Variants in NUP62CL observed in about 807,000 individuals in gnomAD.
NUP62CL encodes the protein nucleoporin-62 C-terminal-like protein.
Under a neutral mutation model 15.3 loss-of-function variants are expected in NUP62CL, and 13 were observed. That is an observed-to-expected ratio of 0.85 (90% CI 0.55 to 1.35). The LOEUF is 1.35. NUP62CL is among the 40% of genes most tolerant of loss of function. NUP62CL has a pLI of 0.00. For synonymous variants in NUP62CL, 54 were observed against 49.2 expected (o/e 1.10, Z -0.41); for missense variants, 123 against 130.6 (o/e 0.94, Z 0.28).
chrX:107,156,535 G>T (rs1160601496), intron 4 of NUP62CL, among the ~76,000 whole-genome samples: 130 of 101,449 alleles, frequency 1.3e-3, no homozygotes, highest in African/African-American at 4.5e-3. Flanking sequence ...CACCTCACAC[G>T]GCAGGGTATT....
chrX:107,134,071 T>G (rs977946373), intron 8 of NUP62CL, among the ~76,000 whole-genome samples: 3 of 112,561 alleles, frequency 2.7e-5, no homozygotes, highest in African/African-American at 9.7e-5. Flanking sequence ...TCTACTACAA[T>G]AAGTATTTTA....
chrX:107,174,160 T>TG (rs1490367269), intron 3 of NUP62CL, among the ~76,000 whole-genome samples: 3 of 96,590 alleles, frequency 3.1e-5, no homozygotes, highest in Non-Finnish European at 6.2e-5. Context: ...TCCTTTTTTT[T>TG]TTTTTTGGTT....
At chrX:107,146,958 T>C (rs1569356139) in intron 8 of NUP62CL, among the ~76,000 whole-genome samples, 1 of 111,458 alleles carries the variant, frequency 9.0e-6, no homozygotes, top group South Asian at 3.8e-4. Flanking sequence ...GGTGTGCTCA[T>C]TGCCACTGGG....
chrX:107,126,829 T>C (rs960768301), intron 8 of NUP62CL, among the ~76,000 whole-genome samples: 1 of 110,877 alleles, frequency 9.0e-6, no homozygotes, highest in East Asian at 2.8e-4. Flanking sequence ...AGGTCAGGAG[T>C]TCGAGACCAG....
At chrX:107,196,210 T>G (rs1927357927) in intron 1 of NUP62CL, among the ~76,000 whole-genome samples, 1 of 112,232 alleles carries the variant, frequency 8.9e-6, no homozygotes, top group South Asian at 3.7e-4. Context: ...AAAATCACTT[T>G]TTGGACTAAA....
intron 4 of NUP62CL, among the ~76,000 whole-genome samples, chrX:107,157,461 G>A (rs1372770769): frequency 9.4e-6 from 1 of 106,112 alleles, no homozygotes; most frequent in African/African-American, 3.4e-5. Context: ...AGAAGAGAGT[G>A]GGGGCCAATA....
chrX:107,191,477 A>C (rs1254139506), intron 2 of NUP62CL, among the ~76,000 whole-genome samples: 1 of 110,382 alleles, frequency 9.1e-6, no homozygotes, highest in Non-Finnish European at 1.9e-5. Context: ...TGGGAGGCCG[A>C]GGCAGGTGGA....
chrX:107,181,729 T>G (rs1043275464), intron 2 of NUP62CL, among the ~76,000 whole-genome samples: 1 of 111,796 alleles, frequency 8.9e-6, no homozygotes, highest in Non-Finnish European at 1.9e-5. Context: ...TCTTATAGGG[T>G]CTGAGCATTC....
intron 2 of NUP62CL, among the ~76,000 whole-genome samples, chrX:107,192,540 C>T (rs948156448): frequency 1.8e-5 from 2 of 110,862 alleles, no homozygotes; most frequent in Non-Finnish European, 3.8e-5. Context: ...CTACCACGCC[C>T]GGCTAATTTT....
chrX:107,147,138 GCTTTA>G (rs1404724237), intron 8 of NUP62CL, among the ~76,000 whole-genome samples: 2 of 111,439 alleles, frequency 1.8e-5, no homozygotes, highest in South Asian at 3.7e-4. Flanking sequence ...TCACTAATAT[GCTTTA>G]CTTTATTTCT....
At chrX:107,173,393 TG>T (rs1255111405) in intron 3 of NUP62CL, among the ~76,000 whole-genome samples, 2 of 112,349 alleles carry the variant, frequency 1.8e-5, no homozygotes, top group East Asian at 5.6e-4. Context: ...CTAAAATTTC[TG>T]GATTGCATAC....
chrX:107,151,886 T>G (rs1318205376), intron 7 of NUP62CL, among the ~76,000 whole-genome samples: 1 of 103,370 alleles, frequency 9.7e-6, no homozygotes, highest in Non-Finnish European at 2.0e-5. Context: ...AAAAATTAGC[T>G]GGGTGTGGTG....
At chrX:107,160,485 C>A (rs1926334226) in intron 4 of NUP62CL, among the ~76,000 whole-genome samples, 1 of 108,310 alleles carries the variant, frequency 9.2e-6, no homozygotes, top group African/African-American at 3.4e-5. Flanking sequence ...CGCATACCTA[C>A]AACTACCTGA....
At chrX:107,129,856 A>G (rs1015627802) in intron 8 of NUP62CL, among the ~76,000 whole-genome samples, 5 of 112,186 alleles carry the variant, frequency 4.5e-5, no homozygotes, top group Non-Finnish European at 9.4e-5. Context: ...AAAATCATTA[A>G]TATCCTCAAA....
intron 8 of NUP62CL, among the ~76,000 whole-genome samples, chrX:107,135,580 G>C (rs971380323): frequency 3.6e-5 from 4 of 111,546 alleles, no homozygotes; most frequent in African/African-American, 1.3e-4. Context: ...CCTCGAGTTT[G>C]GCTTTCAACA....
intron 8 of NUP62CL, among the ~76,000 whole-genome samples, chrX:107,137,086 T>G (rs982958530): frequency 5.4e-5 from 6 of 110,854 alleles, no homozygotes; most frequent in African/African-American, 2.0e-4. Flanking sequence ...TAAAATAAAA[T>G]TATTATATCT....
At chrX:107,205,775 A>C (rs1300988242) in intron 1 of NUP62CL, among the ~76,000 whole-genome samples, 1 of 110,895 alleles carries the variant, frequency 9.0e-6, no homozygotes, top group East Asian at 2.8e-4. Context: ...AACTTAAGAC[A>C]ACCAGATTCC....
intron 8 of NUP62CL, among the ~76,000 whole-genome samples, chrX:107,125,342 T>C (rs147783662): frequency 0.025 from 2,770 of 111,376 alleles, 99 homozygotes; most frequent in African/African-American, 0.085. Context: ...CCATCAACAG[T>C]AGGCTATTAG....
chrX:107,130,092 A>T (rs917642126), intron 8 of NUP62CL, among the ~76,000 whole-genome samples: 1 of 111,926 alleles, frequency 8.9e-6, no homozygotes, highest in Non-Finnish European at 1.9e-5. Flanking sequence ...GGCATCAAAC[A>T]TTAGAAAAAC....
Sources: gnomAD v4.1 joint callset for allele counts (sites outside exome capture counted in the v4.1 genomes callset) on GRCh38, gnomAD v4.1.1 for gene constraint, MANE v1.5 for transcripts, NCBI Gene and HGNC (gene_info 2026-07-23, HGNC 2026-07-21) for gene names.